The following RSPO2 variants were observed in gnomAD, a reference collection of about 807,000 sequenced individuals.
The protein encoded by RSPO2 is R-spondin 2.
In RSPO2, 14 loss-of-function variants were observed where a neutral mutation model predicts 30.9. The observed-to-expected ratio is 0.45, with a 90% CI of 0.30 to 0.71. The LOEUF (loss-of-function observed/expected upper bound fraction) is 0.71, where lower values mean the gene tolerates loss of function less well. RSPO2 is among the 30% of genes least tolerant of loss of function. The pLI is 0.08. For synonymous variants in RSPO2, 107 were observed against 96.4 expected (o/e 1.11, Z -0.64); for missense variants, 264 against 301.9 (o/e 0.87, Z 0.93).
At chr8:108,007,101 T>G (rs1815476690) in intron 2 of RSPO2, among the ~76,000 whole-genome samples, 1 of 152,212 alleles carries the variant, frequency 6.6e-6, no homozygotes, top group Admixed American at 6.5e-5. Context: ...CCCAAAAATA[T>G]TGCTTTTTTC....
intron 2 of RSPO2, among the ~76,000 whole-genome samples, chr8:107,996,040 G>GA (rs1481976587): frequency 6.6e-6 from 1 of 152,164 alleles, no homozygotes. Context: ...TTAGTATCCT[G>GA]AGTAGGGTGT....
chr8:107,954,605 T>TTTATTTATTTA (rs559227021), intron 5 of RSPO2, among the ~76,000 whole-genome samples: 721 of 39,792 alleles, frequency 0.018, 11 homozygotes, highest in African/African-American at 0.028. Context: ...TATTTATTTA[T>TTTATTTATTTA]TTTATTTATT....
chr8:108,051,935 T>C (rs556334586), intron 2 of RSPO2, among the ~76,000 whole-genome samples: 7 of 152,220 alleles, frequency 4.6e-5, no homozygotes, highest in Admixed American at 2.0e-4. Flanking sequence ...ATTTCCATCC[T>C]AGTTCATTGG....
chr8:107,992,770 A>C (rs1814888602), intron 2 of RSPO2, among the ~76,000 whole-genome samples: 1 of 152,220 alleles, frequency 6.6e-6, no homozygotes, highest in Non-Finnish European at 1.5e-5. Context: ...CAGCAGACTT[A>C]GAAAAAAATA....
chr8:108,081,932 T>C, intron 2 of RSPO2: 1 of 984,030 alleles, frequency 1.0e-6, no homozygotes, highest in Non-Finnish European at 1.2e-6. Context: ...AAAGTTCCCA[T>C]CTCGTCGCAG....
At position 107,939,417 on chromosome 8, in the gene RSPO2, A is replaced by G. The variant is rs546553297; in HGVS notation, c.616+18663T>C. 3.9e-5 allele frequency among the ~76,000 whole-genome samples: 6 copies of G among 152,118 alleles called. No homozygotes were observed. In the South Asian group the frequency reaches 1.0e-3, roughly 26 times the overall value. ...AAAAGTTACTAGACCAAAGGGCTCAATGATGAAAAAGTTATTATGGGACAG... is the reference window on the plus strand; with the variant it reads ...AAAAGTTACTAGACCAAAGGGCTCAGTGATGAAAAAGTTATTATGGGACAG... On this transcript the variant is annotated intron_variant, in intron 5 of 5. Coordinates refer to ENST00000276659, the MANE Select transcript of RSPO2 (RefSeq NM_178565.5).
intron 2 of RSPO2, among the ~76,000 whole-genome samples, chr8:107,995,020 C>T (rs890757939): frequency 1.3e-5 from 2 of 152,084 alleles, no homozygotes; most frequent in African/African-American, 4.8e-5. Flanking sequence ...CAGGAAGTCC[C>T]AAAACCAGGG....
chr8:107,980,111 TTC>T (rs1445548837), intron 3 of RSPO2, among the ~76,000 whole-genome samples: 16 of 152,154 alleles, frequency 1.1e-4, no homozygotes, highest in Admixed American at 1.0e-3. Context: ...TAACACACTC[TTC>T]GGAAAATCTG....
intron 3 of RSPO2, among the ~76,000 whole-genome samples, chr8:107,961,134 A>G (rs1813613101): frequency 6.6e-6 from 1 of 152,214 alleles, no homozygotes; most frequent in Non-Finnish European, 1.5e-5. Context: ...CACTCCCTCT[A>G]CAAATTACTT....
intron 5 of RSPO2, among the ~76,000 whole-genome samples, chr8:107,937,460 G>T (rs2130364397): frequency 6.6e-6 from 1 of 151,918 alleles, no homozygotes; most frequent in East Asian, 1.9e-4. Flanking sequence ...TCCATAATCA[G>T]TCTCCACAGT....
At chr8:107,925,530 T>A (rs962272324) in intron 5 of RSPO2, among the ~76,000 whole-genome samples, 8 of 151,932 alleles carry the variant, frequency 5.3e-5, no homozygotes, top group Admixed American at 1.3e-4. Flanking sequence ...CGTTAGGTAT[T>A]TCTCCTAATG....
intron 5 of RSPO2, among the ~76,000 whole-genome samples, chr8:107,906,134 A>G (rs1371416668): frequency 1.3e-5 from 2 of 151,908 alleles, no homozygotes; most frequent in East Asian, 3.9e-4. Flanking sequence ...AATGTGTAGA[A>G]AAGTAATAAA....
At chr8:108,034,951 T>C (rs1473248246) in intron 2 of RSPO2, among the ~76,000 whole-genome samples, 3 of 152,258 alleles carry the variant, frequency 2.0e-5, no homozygotes, top group Non-Finnish European at 4.4e-5. Context: ...AATACTGTTT[T>C]GCTTTCCATC....
chr8:107,975,623 C>T (rs183960153), intron 3 of RSPO2, among the ~76,000 whole-genome samples: 140 of 152,324 alleles, frequency 9.2e-4, no homozygotes, highest in Middle Eastern at 3.4e-3. Flanking sequence ...CTCTTAGGGA[C>T]CCCATGCCAC....
At chr8:107,978,042 C>T (rs1814278604) in intron 3 of RSPO2, among the ~76,000 whole-genome samples, 1 of 152,082 alleles carries the variant, frequency 6.6e-6, no homozygotes, top group Non-Finnish European at 1.5e-5. Flanking sequence ...CTTTTGCTAT[C>T]TATCAATCAA....
At chr8:108,019,058 C>T (rs988007610) in intron 2 of RSPO2, among the ~76,000 whole-genome samples, 1 of 152,256 alleles carries the variant, frequency 6.6e-6, no homozygotes, top group Non-Finnish European at 1.5e-5. Context: ...ATTTCTGATC[C>T]ATGAATCACA....
Position 108,083,481 on chromosome 8 carries a change from G to A in RSPO2, c.-454C>T, listed in dbSNP as rs773144561. 1 of 152,352 alleles carries A rather than the reference G, an allele frequency of 6.6e-6. No homozygotes were observed. Among genetic ancestry groups the A allele is most frequent in the Non-Finnish European group, 1.5e-5 (1 of 68,146 alleles). 9.4% of individuals were successfully genotyped at this position (152,352 alleles called of 1,614,324 possible). On this transcript the variant is annotated 5_prime_UTR_variant, in exon 1 of 6. Coordinates refer to ENST00000276659, the MANE Select transcript of RSPO2 (RefSeq NM_178565.5). The stretch of plus-strand genomic sequence containing the variant: ...ACTCTCTGCCTCCCTAACCAATTGT[G>A]TCGCTTCCTGCGCTTTCTCCACGGT...
chr8:108,076,601 C>G (rs762769715), intron 2 of RSPO2, among the ~76,000 whole-genome samples: 13 of 151,994 alleles, frequency 8.6e-5, no homozygotes, highest in Non-Finnish European at 1.5e-4. Context: ...GCCTTGGCAC[C>G]CAGAACTCCA....
At chr8:108,051,721 A>C (rs756158207) in intron 2 of RSPO2, among the ~76,000 whole-genome samples, 1 of 152,246 alleles carries the variant, frequency 6.6e-6, no homozygotes, top group African/African-American at 2.4e-5. Flanking sequence ...CCATTCCTTC[A>C]ACATGAGGCC....
Sources: allele counts gnomAD v4.1 joint callset (sites outside exome capture counted in the v4.1 genomes callset), GRCh38; gene constraint gnomAD v4.1.1; transcripts MANE v1.5; gene names NCBI Gene and HGNC (gene_info 2026-07-23, HGNC 2026-07-21).